SLC22A25: variants seen among roughly 807,000 people sequenced by gnomAD.
The protein encoded by SLC22A25 is solute carrier family 22 member 25.
SLC22A25 carries 44 observed loss-of-function variants against 45.9 expected under a neutral mutation model. That is an observed-to-expected ratio of 0.96 (90% CI 0.75 to 1.23). SLC22A25 has a LOEUF of 1.23. Among genes scored for constraint, SLC22A25 ranks in the 50% most tolerant of loss-of-function variants. The pLI is 0.00. For missense variants in SLC22A25, 800 were observed against 666.4 expected (o/e 1.20, Z -2.21); for synonymous variants, 283 against 238.6 (o/e 1.19, Z -1.72).
chr11:63,176,464 A>G (rs2088092564), intron 9 of SLC22A25, among the ~76,000 whole-genome samples: 1 of 151,600 alleles, frequency 6.6e-6, no homozygotes, highest in Admixed American at 6.6e-5. Context: ...CTTCCTTTTT[A>G]TGGTATTATA....
intron 7 of SLC22A25, among the ~76,000 whole-genome samples, chr11:63,199,907 C>T (rs921417243): frequency 1.3e-5 from 2 of 151,930 alleles, no homozygotes; most frequent in African/African-American, 2.4e-5. Context: ...GATGTGCCTG[C>T]GTGCCAGACA....
rs963629983 is a variant in SLC22A25, at chr11:63,163,141, C to T, written c.*683G>A. Among the ~76,000 whole-genome samples, 3 of 152,184 alleles carry T rather than the reference C, an allele frequency of 2.0e-5. No homozygotes were observed. The highest frequency in any genetic ancestry group is 7.2e-5 in the African/African-American group (3 of 41,452). ...AAACCTTGTGAAGTAAAAAACCAAG[C>T]TCCCAGCCTAGGATCTGGGAAGGCA... On this transcript the variant is annotated 3_prime_UTR_variant, in exon 12 of 12. Transcript: ENST00000306494.
chr11:63,219,368 C>T (rs1293399490), intron 5 of SLC22A25, among the ~76,000 whole-genome samples: 4 of 152,132 alleles, frequency 2.6e-5, no homozygotes, highest in African/African-American at 9.7e-5. Context: ...CCAACACCAT[C>T]GTTGCTTTTC....
chr11:63,231,408 T>C (rs967384399), intron 3 of SLC22A25, among the ~76,000 whole-genome samples: 17 of 152,270 alleles, frequency 1.1e-4, no homozygotes, highest in Admixed American at 9.8e-4. Flanking sequence ...CCAGTGGTGA[T>C]GAGCATTTTT....
rs144166347 is a variant in SLC22A25, at chr11:63,235,736, C to T, written c.-445+2145G>A. On this transcript the variant is annotated intron_variant, in intron 3 of 11. Coordinates refer to ENST00000306494, the MANE Select transcript of SLC22A25 (RefSeq NM_199352.6). ...GAGGTGCTCTGATTTTTAGAGTTTC[C>T]GGTTTTTCTGCTCTGTTTTTTCCCC... 9.5e-3 allele frequency among the ~76,000 whole-genome samples: 1,439 copies of T among 152,222 alleles called. 7 individuals are homozygous for T. The highest frequency in any genetic ancestry group is 0.02 in the African/African-American group (823 of 41,526).
intron 9 of SLC22A25, chr11:63,166,847 T>G (rs1349497363): frequency 9.1e-6 from 9 of 985,276 alleles, no homozygotes; most frequent in Non-Finnish European, 9.6e-6. Flanking sequence ...ATTATGGTTT[T>G]ATTTTTTGGA....
At chr11:63,181,675 G>T (rs896939421) in intron 8 of SLC22A25, among the ~76,000 whole-genome samples, 1 of 152,014 alleles carries the variant, frequency 6.6e-6, no homozygotes, top group African/African-American at 2.4e-5. Flanking sequence ...CAGGCATGCT[G>T]TAGTGCCCAG....
At chr11:63,220,173 A>T in intron 5 of SLC22A25, 1 of 387,678 alleles carries the variant, frequency 2.6e-6, no homozygotes, top group East Asian at 7.3e-5. Flanking sequence ...AGACAAAAAA[A>T]ATCAAGAATC....
At chr11:63,198,018 C>T (rs1221513744) in intron 7 of SLC22A25, among the ~76,000 whole-genome samples, 2 of 152,182 alleles carry the variant, frequency 1.3e-5, no homozygotes, top group African/African-American at 4.8e-5. Context: ...ATCAAAACCA[C>T]AATGAGATAC....
chr11:63,233,897 A>G (rs1303564046), intron 3 of SLC22A25, among the ~76,000 whole-genome samples: 4 of 151,000 alleles, frequency 2.6e-5, no homozygotes, highest in Non-Finnish European at 4.4e-5. Context: ...TTATGTACCC[A>G]GTAGTCATTC....
intron 1 of SLC22A25, among the ~76,000 whole-genome samples, chr11:63,241,298 A>T (rs1216544802): frequency 6.6e-6 from 1 of 152,082 alleles, no homozygotes; most frequent in African/African-American, 2.4e-5. Flanking sequence ...CACAGAAGGA[A>T]CCCTGTTTGC....
In SLC22A25 at chr11:63,183,709, G is replaced by A; in HGVS notation, c.939C>T (p.Asp313=). 2 of 1,612,964 alleles carry A rather than the reference G, an allele frequency of 1.2e-6. No individual in the cohort carries two copies. The highest frequency in any genetic ancestry group is 1.7e-6 in the Non-Finnish European group (2 of 1,179,206). ...AHRNGMKNAE[D]ILTMEVLKST... ...TCTTGCTTACCTCCATGGTTAGGAT[G>A]TCTTCAGCATTCTTCATTCCATTCC... Residue 313 remains aspartate (D), a synonymous_variant, in exon 8 of 12, where the codon GAC becomes GAT. Coordinates refer to ENST00000306494, the MANE Select transcript of SLC22A25 (RefSeq NM_199352.6).
In SLC22A25 at chr11:63,230,941, G is replaced by A. The variant is rs186527847; in HGVS notation, c.-444-845C>T. ...TTGAGATAGTTGGTTGAGAAGGATGGTTTCCAGCTTCATCCATGTCTCTAC... is the reference window on the plus strand; with the variant it reads ...TTGAGATAGTTGGTTGAGAAGGATGATTTCCAGCTTCATCCATGTCTCTAC... On this transcript the variant is annotated intron_variant, in intron 3 of 11. Coordinates refer to ENST00000306494, the MANE Select transcript of SLC22A25 (RefSeq NM_199352.6). Among the ~76,000 whole-genome samples the A allele has an allele frequency of 2.6e-3, 403 of 152,268 alleles. 1 individual carries two copies. The highest frequency in any genetic ancestry group is 8.2e-3 in the African/African-American group (342 of 41,536).
chr11:63,200,047 T>C (rs917505208), intron 7 of SLC22A25, among the ~76,000 whole-genome samples: 13 of 152,022 alleles, frequency 8.6e-5, no homozygotes, highest in Non-Finnish European at 1.6e-4. Flanking sequence ...CAGGACCTGA[T>C]GGTTTCACAG....
At chr11:63,180,799 A>T (rs764963961) in intron 8 of SLC22A25, 24 bp from the exon 9 acceptor site, 2 of 1,565,944 alleles carry the variant, frequency 1.3e-6, no homozygotes, top group Non-Finnish European at 1.8e-6. Flanking sequence ...AGAAGCAATA[A>T]ACTGTTCAGT....
intron 7 of SLC22A25, among the ~76,000 whole-genome samples, chr11:63,187,007 G>A (rs956336170): frequency 2.4e-4 from 36 of 152,078 alleles, no homozygotes; most frequent in African/African-American, 8.2e-4. Context: ...CTTTTGGCTT[G>A]GGATTGACTT....
In SLC22A25 at chr11:63,229,318, T is replaced by G; in HGVS notation, c.335A>C (p.Asp112Ala). ...CCAGCCATCCACACAGGGCTCTGTA[T>G]CTGGCTCACTCGTGTTGGGGAAGGT... ...NGTFPNTSEPDTEPCVDGWVY... is the reference protein window; with the variant it reads ...NGTFPNTSEPATEPCVDGWVY... The change falls in exon 4 of 12, where the codon GAT becomes GCT. Residue 112 changes from aspartate to alanine, a missense_variant. Physicochemically the swap from Asp to Ala is moderately radical, Grantham distance 126. Coordinates refer to ENST00000306494, the MANE Select transcript of SLC22A25 (RefSeq NM_199352.6). 1.2e-6 allele frequency: 2 copies of G among 1,610,424 alleles called. No individual in the cohort carries two copies. The highest frequency in any genetic ancestry group is 1.7e-6 in the Non-Finnish European group (2 of 1,177,936).
chr11:63,180,519 T>G (rs903605664), intron 9 of SLC22A25, 141 bp downstream of exon 9: 1 of 613,896 alleles, frequency 1.6e-6, no homozygotes, highest in South Asian at 2.4e-5. Context: ...TTTACCACTT[T>G]TAAAAATAGC....
chr11:63,209,287 A>G (rs2089494372), intron 7 of SLC22A25, among the ~76,000 whole-genome samples: 2 of 152,284 alleles, frequency 1.3e-5, no homozygotes, highest in South Asian at 4.1e-4. Context: ...ACCCAACCAA[A>G]GAAAGCAGAG....
Sources: allele counts gnomAD v4.1 joint callset (sites outside exome capture counted in the v4.1 genomes callset), GRCh38; gene constraint gnomAD v4.1.1; transcripts MANE v1.5; gene names NCBI Gene and HGNC (gene_info 2026-07-23, HGNC 2026-07-21).